Variants in LTBP1 observed in about 807,000 individuals in gnomAD.
LTBP1 encodes latent transforming growth factor beta binding protein 1.
A neutral mutation model predicts 207.6 loss-of-function variants in LTBP1; 129 were observed. The observed-to-expected ratio is 0.62, with a 90% CI of 0.54 to 0.72. The LOEUF (loss-of-function observed/expected upper bound fraction) is 0.72. Ranked by LOEUF, LTBP1 falls within the 30% of genes least tolerant of loss-of-function variation. The probability of loss-of-function intolerance (pLI) is 0.00; values close to 1 mark genes in which losing one functional copy is unlikely to be tolerated. For missense variants in LTBP1, 2,281 were observed against 2,217.2 expected, an observed-to-expected ratio of 1.03 and a Z score of -0.58; for synonymous variants, 963 against 833.7, an observed-to-expected ratio of 1.16 and a Z score of -2.67.
At chr2:33,030,346 C>T (rs1212791221) in intron 3 of LTBP1, among the ~76,000 whole-genome samples, 1 of 152,178 alleles carries the variant, frequency 6.6e-6, no homozygotes, top group Non-Finnish European at 1.5e-5. Context: ...TGGGCACAAG[C>T]AACCATTTTC....
At position 33,294,445 on chromosome 2, in the gene LTBP1, C is replaced by T. The variant is rs556800972; in HGVS notation, c.3235+1163C>T. Among the ~76,000 whole-genome samples the T allele has an allele frequency of 2.6e-5, 4 of 152,054 alleles. No individual in the cohort carries two copies. In the East Asian group the frequency reaches 7.8e-4, roughly 29 times the overall value. On this transcript the variant is annotated intron_variant, in intron 20 of 33. Transcript: ENST00000404816. ...TGCCTGACCTCGGGTGATCTGCCCA[C>T]CTAGGCCTCCCAAATTGCTGAGATT...
At chr2:33,151,441 C>T (rs932172720) in intron 5 of LTBP1, among the ~76,000 whole-genome samples, 1 of 152,052 alleles carries the variant, frequency 6.6e-6, no homozygotes, top group South Asian at 2.1e-4. Context: ...TGTGCTTCAG[C>T]TTACCCTTTT....
chr2:33,057,962 C>T (rs4952337), intron 3 of LTBP1, among the ~76,000 whole-genome samples: 10,016 of 152,328 alleles, frequency 0.066, 714 homozygotes, highest in East Asian at 0.34. Flanking sequence ...GCGAGGGCTG[C>T]GAGGGCTGCC....
intron 23 of LTBP1, among the ~76,000 whole-genome samples, chr2:33,313,080 C>T (rs915711046): frequency 6.6e-6 from 1 of 152,134 alleles, no homozygotes; most frequent in African/African-American, 2.4e-5. Flanking sequence ...CAAACATAGA[C>T]AATGTCAGAG....
At position 33,257,322 on chromosome 2, in the gene LTBP1, A is replaced by G. The variant is rs759156518; in HGVS notation, c.2206A>G (p.Thr736Ala). The part of the protein sequence containing the change: ...KEICPGGMGY[T>A]VSGVHRRRPI... ...AATCTGTCCTGGTGGAATGGGTTAT[A>G]CGGTTTCTGGCGTTCATAGACGCAG... Residue 736 changes from threonine to alanine, a missense_variant, in exon 12 of 34, where the codon ACG becomes GCG. Thr to Ala is a moderately conservative substitution (Grantham distance 58, BLOSUM62 0). Coordinates refer to ENST00000404816, the MANE Select transcript of LTBP1 (RefSeq NM_206943.4). 8 of 1,614,196 alleles carry G rather than the reference A, an allele frequency of 5.0e-6. No individual in the cohort carries two copies. Among genetic ancestry groups the G allele is most frequent in the East Asian group, 2.2e-5 (1 of 44,882 alleles).
At chr2:32,995,853 A>G (rs1426290518) in intron 2 of LTBP1, among the ~76,000 whole-genome samples, 1 of 152,280 alleles carries the variant, frequency 6.6e-6, no homozygotes, top group African/African-American at 2.4e-5. Context: ...AACATTACAT[A>G]CATTATCTCT....
At chr2:33,039,246 G>T (rs2076069362) in intron 3 of LTBP1, among the ~76,000 whole-genome samples, 1 of 151,962 alleles carries the variant, frequency 6.6e-6, no homozygotes, top group African/African-American at 2.4e-5. Flanking sequence ...TTTAGGGGTA[G>T]GAAAGGGGCA....
At chr2:33,147,246 A>G (rs2083133477) in intron 5 of LTBP1, among the ~76,000 whole-genome samples, 1 of 152,204 alleles carries the variant, frequency 6.6e-6, no homozygotes, top group African/African-American at 2.4e-5. Flanking sequence ...CAAATAATGT[A>G]GGCAATTGTT....
chr2:33,094,664 T>A (rs1371337672), intron 3 of LTBP1, among the ~76,000 whole-genome samples: 2 of 152,216 alleles, frequency 1.3e-5, no homozygotes, highest in Non-Finnish European at 2.9e-5. Context: ...ACTCTGTGAG[T>A]ACCACATAAT....
At chr2:32,951,753 T>A (rs1677144434) in intron 2 of LTBP1, among the ~76,000 whole-genome samples, 1 of 152,194 alleles carries the variant, frequency 6.6e-6, no homozygotes, top group Non-Finnish European at 1.5e-5. Flanking sequence ...CCAGAAAGAT[T>A]AATATTAGAG....
chr2:33,153,977 T>A (rs1312749972), intron 5 of LTBP1, among the ~76,000 whole-genome samples: 1 of 152,212 alleles, frequency 6.6e-6, no homozygotes, highest in African/African-American at 2.4e-5. Context: ...GAAGGTGGTT[T>A]ATGTTCCTCT....
At chr2:33,191,160 C>T (rs1321569972) in intron 7 of LTBP1, among the ~76,000 whole-genome samples, 3 of 152,100 alleles carry the variant, frequency 2.0e-5, no homozygotes, top group Admixed American at 1.3e-4. Context: ...AGTTGGAACA[C>T]AGATGATAAA....
intron 31 of LTBP1, among the ~76,000 whole-genome samples, chr2:33,381,578 C>G (rs763759047): frequency 7.2e-5 from 11 of 152,208 alleles, no homozygotes; most frequent in Non-Finnish European, 1.5e-4. Context: ...GCAATTTGAT[C>G]TCTTTCACCT....
intron 21 of LTBP1, 69 bp downstream of exon 21, chr2:33,300,642 A>G (rs770712401): frequency 1.3e-6 from 2 of 1,504,990 alleles, no homozygotes; most frequent in East Asian, 2.4e-5. Context: ...AGGTACGCTC[A>G]ATCAAGTGAG....
chr2:33,279,953 C>G lies in LTBP1; in HGVS notation c.2993-86C>G, dbSNP rs2148543270. 3 of 1,435,352 alleles carry G rather than the reference C, an allele frequency of 2.1e-6. No individual in the cohort carries two copies. In the East Asian group the frequency reaches 6.8e-5, roughly 33 times the overall value. 88.9% of individuals were successfully genotyped at this position (1,435,352 alleles called of 1,614,324 possible). Reference sequence around the variant, plus strand: ...CCCACTGAAATGTAGATATAACATGCTTTCCCCCGCTGCCTTCATCACAAA... The same window carrying G: ...CCCACTGAAATGTAGATATAACATGGTTTCCCCCGCTGCCTTCATCACAAA... On this transcript the variant is annotated intron_variant, in intron 18 of 33. Coordinates refer to ENST00000404816, the MANE Select transcript of LTBP1 (RefSeq NM_206943.4).
At chr2:33,327,861 G>A (rs1327743156) in intron 24 of LTBP1, among the ~76,000 whole-genome samples, 2 of 151,786 alleles carry the variant, frequency 1.3e-5, no homozygotes, top group African/African-American at 4.8e-5. Context: ...GTAGAGGGCC[G>A]GGTGCAGTGA....
At chr2:33,379,835 GTT>G (rs2095192072) in intron 31 of LTBP1, among the ~76,000 whole-genome samples, 1 of 152,118 alleles carries the variant, frequency 6.6e-6, no homozygotes, top group Non-Finnish European at 1.5e-5. Context: ...TTCCAATAAT[GTT>G]AATGGATAGT....
chr2:33,346,002 G>A (rs570983966), intron 25 of LTBP1, among the ~76,000 whole-genome samples: 87 of 152,310 alleles, frequency 5.7e-4, no homozygotes, highest in African/African-American at 2.0e-3. Context: ...CTGTGTACTT[G>A]CAAAATGTTG....
At chr2:33,396,860 A>G (rs2095363333) in intron 32 of LTBP1, among the ~76,000 whole-genome samples, 1 of 152,214 alleles carries the variant, frequency 6.6e-6, no homozygotes, top group African/African-American at 2.4e-5. Context: ...GAGCAAAAAC[A>G]AAAACCATAC....
Sources: allele counts gnomAD v4.1 joint callset (sites outside exome capture counted in the v4.1 genomes callset), GRCh38; gene constraint gnomAD v4.1.1; transcripts MANE v1.5; gene names NCBI Gene and HGNC (gene_info 2026-07-23, HGNC 2026-07-21).